HTT: variants seen among roughly 807,000 people sequenced by gnomAD.
HTT encodes huntingtin.
A neutral mutation model predicts 362.3 loss-of-function variants in HTT; 104 were observed. The ratio of observed to expected loss-of-function variants is 0.29; its 90% CI spans 0.24 to 0.34. HTT has a LOEUF of 0.34. Among genes scored for constraint, HTT ranks in the 10% least tolerant of loss-of-function variants. The pLI is 1.00. For missense variants in HTT, 3,301 were observed against 3,928.6 expected, an observed-to-expected ratio of 0.84 and a Z score of 4.27; for synonymous variants, 1,577 against 1,548.7, an observed-to-expected ratio of 1.02 and a Z score of -0.43.
intron 1 of HTT, among the ~76,000 whole-genome samples, chr4:3,080,145 A>T (rs1712815190): frequency 1.4e-5 from 2 of 139,540 alleles, no homozygotes; most frequent in Admixed American, 1.5e-4. Flanking sequence ...CCCGGGCTGG[A>T]GTGCAATGAT....
At chr4:3,171,663 G>A (rs1223502587) in intron 29 of HTT, among the ~76,000 whole-genome samples, 1 of 152,018 alleles carries the variant, frequency 6.6e-6, no homozygotes, top group Non-Finnish European at 1.5e-5. Context: ...TTTTGGTAGA[G>A]ATGGGGTTTC....
intron 61 of HTT, among the ~76,000 whole-genome samples, 195 bp from the exon 62 acceptor site, chr4:3,235,089 A>G (rs1417405969): frequency 6.6e-6 from 1 of 152,088 alleles, no homozygotes; most frequent in Non-Finnish European, 1.5e-5. Context: ...GGGCTCAGCC[A>G]CTCAGGGAGT....
At position 3,187,839 on chromosome 4, in the gene HTT, C is replaced by A. The variant is rs1488809356; in HGVS notation, c.5178C>A (p.His1726Gln). The A allele has an allele frequency of 6.2e-7, 1 of 1,613,002 alleles. No individual in the cohort carries two copies. The highest frequency in any genetic ancestry group is 1.7e-5 in the Admixed American group (1 of 60,012). Residue 1726 changes from histidine (H) to glutamine (Q), a missense_variant, in exon 39 of 67, where the codon CAC (histidine) becomes CAA (glutamine). This residue lies in a region of HTT where 2,316 missense variants were observed against 2,658.5 expected (regional missense o/e 0.87). Transcript: ENST00000355072. ...DGDSTSTLEE[H>Q]SEGKQIKNLP... ...ACAGTACTTCAACGCTAGAAGAACA[C>A]AGTGAAGGGAAACAAATAAAGAATT...
chr4:3,114,965 T>C (rs1714944400), intron 6 of HTT, among the ~76,000 whole-genome samples: 1 of 152,168 alleles, frequency 6.6e-6, no homozygotes, highest in Non-Finnish European at 1.5e-5. Flanking sequence ...AGTACTCTTT[T>C]CTCCTTAACT....
At position 3,182,431 on chromosome 4, in the gene HTT, G is replaced by C. The variant is rs776464028; in HGVS notation, c.4827G>C (p.Gln1609His). 1 of 1,614,014 alleles carries C rather than the reference G, an allele frequency of 6.2e-7. No individual in the cohort carries two copies. Among genetic ancestry groups the C allele is most frequent in the Non-Finnish European group, 8.5e-7 (1 of 1,179,842 alleles). The change falls in exon 37 of 67, where the codon CAG (glutamine) becomes CAC (histidine). Residue 1609 changes from glutamine to histidine, a missense_variant. Transcript: ENST00000355072. ...NEDKWKRLSR[Q>H]IADIILPMLA... ...ACAAGTGGAAGCGACTGTCTCGACAGATAGCTGACATCATCCTCCCAATGT... is the reference window on the plus strand; with the variant it reads ...ACAAGTGGAAGCGACTGTCTCGACACATAGCTGACATCATCCTCCCAATGT...
At chr4:3,156,854 C>T (rs1199704558) in intron 27 of HTT, among the ~76,000 whole-genome samples, 1 of 152,198 alleles carries the variant, frequency 6.6e-6, no homozygotes, top group Non-Finnish European at 1.5e-5. Flanking sequence ...CAACTGTGCA[C>T]ACTGCTCTTC....
intron 39 of HTT, chr4:3,188,727 TAA>T: frequency 2.0e-6 from 1 of 494,562 alleles, no homozygotes; most frequent in Non-Finnish European, 3.6e-6. Flanking sequence ...TCACAAAGCT[TAA>T]AAAAATGCTA....
In HTT at chr4:3,141,623, G is replaced by A. The variant is rs201867671; in HGVS notation, c.2945+967G>A. On this transcript the variant is annotated intron_variant, in intron 22 of 66. Transcript: ENST00000355072. ...CTCAAATACAAAAAATTAGCCAGGCGTGGTGGCGGGCCCCTGTAATCCCAG... is the reference window on the plus strand; with the variant it reads ...CTCAAATACAAAAAATTAGCCAGGCATGGTGGCGGGCCCCTGTAATCCCAG... 7.3e-4 allele frequency among the ~76,000 whole-genome samples: 111 copies of A among 152,246 alleles called. 2 individuals are homozygous for A. The South Asian group carries it at 0.019, about 26-fold the overall frequency.
intron 6 of HTT, among the ~76,000 whole-genome samples, chr4:3,108,778 G>A (rs1198384955): frequency 1.3e-5 from 2 of 152,122 alleles, no homozygotes; most frequent in Non-Finnish European, 2.9e-5. Flanking sequence ...TGGTACAGTG[G>A]CTTGTGCCTA....
chr4:3,229,461 G>A (rs1257021084), intron 59 of HTT, among the ~76,000 whole-genome samples: 2 of 136,228 alleles, frequency 1.5e-5, no homozygotes, highest in Admixed American at 1.5e-4. Context: ...TGCCACATGT[G>A]CATGCACCAG....
At chr4:3,104,260 A>G (rs1434273563) in intron 4 of HTT, among the ~76,000 whole-genome samples, 5 of 151,838 alleles carry the variant, frequency 3.3e-5, no homozygotes, top group South Asian at 2.1e-4. Flanking sequence ...CGGCCTCCCA[A>G]AGTGTTGGGA....
intron 11 of HTT, among the ~76,000 whole-genome samples, chr4:3,126,076 C>T (rs1715506821): frequency 6.6e-6 from 1 of 152,122 alleles, no homozygotes; most frequent in Admixed American, 6.6e-5. Flanking sequence ...CACACTGTCA[C>T]CCAGTGCAGA....
intron 1 of HTT, among the ~76,000 whole-genome samples, chr4:3,079,422 A>T (rs1406415533): frequency 1.3e-5 from 2 of 152,106 alleles, no homozygotes; most frequent in African/African-American, 4.8e-5. Flanking sequence ...ACACCTGGCC[A>T]GATGATGGCT....
chr4:3,229,130 G>A (rs1056747331), intron 59 of HTT, 121 bp downstream of exon 59: 6 of 935,394 alleles, frequency 6.4e-6, no homozygotes, highest in African/African-American at 1.7e-5. Context: ...CCTCATGCAT[G>A]CAACACACAC....
chr4:3,131,478 C>A (rs879271422), intron 15 of HTT, 81 bp downstream of exon 15: 1 of 1,455,400 alleles, frequency 6.9e-7, no homozygotes, highest in Non-Finnish European at 9.6e-7. Context: ...TTTTGCCTTG[C>A]GTGCAGCAGA....
chr4:3,128,099 A>C (rs545310329), intron 12 of HTT, among the ~76,000 whole-genome samples: 5 of 151,348 alleles, frequency 3.3e-5, no homozygotes, highest in Admixed American at 1.3e-4. Flanking sequence ...CACTCAGCTA[A>C]TGTTTGTATT....
chr4:3,186,774 A>C, intron 38 of HTT, 55 bp downstream of exon 38: 1 of 1,483,634 alleles, frequency 6.7e-7, no homozygotes, highest in Non-Finnish European at 9.1e-7. Context: ...TCAGGCTCTG[A>C]TTACTGGGAC....
intron 1 of HTT, among the ~76,000 whole-genome samples, chr4:3,075,614 T>C (rs1712485918): frequency 1.7e-5 from 2 of 115,882 alleles, no homozygotes; most frequent in Non-Finnish European, 3.4e-5. Context: ...GATGACATAA[T>C]GCTTTTAGGA....
Position 3,130,354 on chromosome 4 carries a change from T to C in HTT, c.1917T>C (p.Pro639=), listed in dbSNP as rs1305127204. The part of the protein sequence containing the change: ...LLKNMSHCRQ[P]SDSSVDKFVL... ...AAAACATGAGTCACTGCAGGCAGCC[T>C]TCTGACAGCAGTGTTGATAAATTTG... The change falls in exon 14 of 67, where the codon CCT becomes CCC. Residue 639 remains proline (P), a synonymous_variant. Transcript: ENST00000355072. 1 of 1,608,800 alleles carries C rather than the reference T, an allele frequency of 6.2e-7. No individual in the cohort carries two copies. The highest frequency in any genetic ancestry group is 1.1e-5 in the South Asian group (1 of 90,212).
Sources: allele counts gnomAD v4.1 joint callset (sites outside exome capture counted in the v4.1 genomes callset), GRCh38; gene constraint gnomAD v4.1.1; regional missense constraint gnomAD v4.1.1; transcripts MANE v1.5; gene names NCBI Gene and HGNC (gene_info 2026-07-23, HGNC 2026-07-21).